The following MARCHF1 variants were observed in gnomAD, a reference collection of about 807,000 sequenced individuals.
MARCHF1 encodes the protein E3 ubiquitin-protein ligase MARCHF1.
In MARCHF1, 40 loss-of-function variants were observed where a neutral mutation model predicts 54.2. That is an observed-to-expected ratio of 0.74 (90% CI 0.57 to 0.96). The LOEUF (loss-of-function observed/expected upper bound fraction) is 0.96, where lower values mean the gene tolerates loss of function less well. MARCHF1 is among the 40% of genes least tolerant of loss of function. MARCHF1 has a pLI of 0.00. For synonymous variants in MARCHF1, 236 were observed against 236.3 expected, an observed-to-expected ratio of 1.00 and a Z score of 0.01; for missense variants, 586 against 656.5, an observed-to-expected ratio of 0.89 and a Z score of 1.17.
chr4:164,120,256 CAA>C (rs1470009138), intron 1 of MARCHF1, among the ~76,000 whole-genome samples: 5 of 152,086 alleles, frequency 3.3e-5, no homozygotes, highest in Admixed American at 2.0e-4. Context: ...TATATAATGA[CAA>C]AGTGTCCAAC....
chr4:163,866,101 C>A (rs767956546), intron 3 of MARCHF1, among the ~76,000 whole-genome samples: 87 of 151,664 alleles, frequency 5.7e-4, no homozygotes, highest in Admixed American at 2.1e-3. Context: ...AATCAATTAA[C>A]AACATCATTT....
intron 4 of MARCHF1, among the ~76,000 whole-genome samples, chr4:163,815,265 A>G (rs1376654378): frequency 6.6e-6 from 1 of 152,204 alleles, no homozygotes; most frequent in Non-Finnish European, 1.5e-5. Flanking sequence ...CATACTATAA[A>G]TGTAGTTTTA....
At chr4:164,199,679 CACAGAGAGAGAGAGAG>C (rs1731394868) in intron 1 of MARCHF1, among the ~76,000 whole-genome samples, 1 of 51,980 alleles carries the variant, frequency 1.9e-5, no homozygotes, top group East Asian at 4.0e-4. Context: ...CACACACACA[CACAGAGAGAGAGAGAG>C]AGAGAGAGAG....
chr4:164,212,474 T>G (rs111732699), intron 1 of MARCHF1, among the ~76,000 whole-genome samples: 2,122 of 152,330 alleles, frequency 0.014, 55 homozygotes, highest in East Asian at 0.12. Context: ...GTTAACAGAC[T>G]TAAAATTTTT....
chr4:163,960,361 T>C (rs908487020), intron 3 of MARCHF1, among the ~76,000 whole-genome samples: 4 of 152,014 alleles, frequency 2.6e-5, no homozygotes, highest in Non-Finnish European at 4.4e-5. Flanking sequence ...AAGACAAATG[T>C]TCATTGCAGC....
chr4:163,632,682 C>T (rs1742146381), intron 5 of MARCHF1, among the ~76,000 whole-genome samples: 1 of 152,236 alleles, frequency 6.6e-6, no homozygotes, highest in African/African-American at 2.4e-5. Flanking sequence ...GGGCGCCCAC[C>T]ATTGCCCAGG....
chr4:164,270,131 T>C (rs1321737483), intron 1 of MARCHF1, among the ~76,000 whole-genome samples: 2 of 152,202 alleles, frequency 1.3e-5, no homozygotes, highest in Non-Finnish European at 2.9e-5. Flanking sequence ...GATCTTCTCA[T>C]CTTCCCTTGG....
intron 8 of MARCHF1, among the ~76,000 whole-genome samples, chr4:163,557,975 T>A (rs1739344928): frequency 6.6e-6 from 1 of 152,190 alleles, no homozygotes; most frequent in Non-Finnish European, 1.5e-5. Context: ...ACATCTCCTT[T>A]CTATTGAAGA....
intron 3 of MARCHF1, among the ~76,000 whole-genome samples, chr4:163,945,082 T>C (rs1485119251): frequency 1.3e-5 from 2 of 152,138 alleles, no homozygotes; most frequent in African/African-American, 4.8e-5. Context: ...AAGAGCTACA[T>C]CTCAGGCATA....
intron 5 of MARCHF1, among the ~76,000 whole-genome samples, chr4:163,626,046 G>T (rs140655873): frequency 4.5e-4 from 69 of 152,314 alleles, no homozygotes; most frequent in African/African-American, 1.4e-3. Flanking sequence ...TGGATGAGCA[G>T]AATAATATGT....
intron 1 of MARCHF1, among the ~76,000 whole-genome samples, chr4:164,224,066 T>A (rs1732184490): frequency 6.6e-6 from 1 of 150,974 alleles, no homozygotes; most frequent in African/African-American, 2.4e-5. Flanking sequence ...CACTATCCTC[T>A]AGTCCAAGCT....
At position 164,201,448 on chromosome 4, in the gene MARCHF1, T is replaced by G. The variant is rs1487576994; in HGVS notation, c.-322-89786A>C. 2.0e-5 allele frequency among the ~76,000 whole-genome samples: 3 copies of G among 152,086 alleles called. No individual in the cohort carries two copies. The East Asian group carries it at 5.8e-4, about 29-fold the overall frequency. On this transcript the variant is annotated intron_variant, in intron 1 of 9. Coordinates refer to ENST00000514618, the MANE Select transcript of MARCHF1 (RefSeq NM_001394959.1). The stretch of plus-strand genomic sequence containing the variant: ...TGTTGGCCATGATGGTCTCCATCTC[T>G]TGACCTCGTGACCCGCCCGCCTGGG...
intron 2 of MARCHF1, among the ~76,000 whole-genome samples, chr4:164,034,853 G>T (rs1437108152): frequency 6.6e-6 from 1 of 152,106 alleles, no homozygotes; most frequent in Non-Finnish European, 1.5e-5. Context: ...GTTACAGAAA[G>T]AATGTTAAAA....
At chr4:163,915,344 A>C in intron 3 of MARCHF1, among the ~76,000 whole-genome samples, 1 of 152,086 alleles carries the variant, frequency 6.6e-6, no homozygotes, top group Non-Finnish European at 1.5e-5. Flanking sequence ...ATTATGAGAA[A>C]AATGTAAAAA....
At chr4:163,847,827 T>C (rs1341634791) in intron 4 of MARCHF1, among the ~76,000 whole-genome samples, 2 of 152,152 alleles carry the variant, frequency 1.3e-5, no homozygotes, top group African/African-American at 2.4e-5. Flanking sequence ...GCGATCCTCC[T>C]GCCTCAGCCT....
chr4:163,908,831 A>T (rs1180103003), intron 3 of MARCHF1, among the ~76,000 whole-genome samples: 1 of 152,172 alleles, frequency 6.6e-6, no homozygotes, highest in Admixed American at 6.6e-5. Flanking sequence ...AAATGTTTGG[A>T]TTCCAACCAG....
chr4:163,840,601 C>G (rs1749309300), intron 4 of MARCHF1, among the ~76,000 whole-genome samples: 1 of 152,026 alleles, frequency 6.6e-6, no homozygotes, highest in Non-Finnish European at 1.5e-5. Flanking sequence ...CATATGGAAT[C>G]TAAAAAGCAG....
intron 1 of MARCHF1, among the ~76,000 whole-genome samples, chr4:164,175,263 C>A (rs1415400412): frequency 1.3e-5 from 2 of 152,128 alleles, no homozygotes; most frequent in Non-Finnish European, 2.9e-5. Flanking sequence ...GAATTATCCA[C>A]AATTGATTTA....
intron 7 of MARCHF1, among the ~76,000 whole-genome samples, chr4:163,606,984 C>A (rs926914818): frequency 2.2e-4 from 33 of 152,032 alleles, no homozygotes; most frequent in Non-Finnish European, 4.6e-4. Context: ...GCTGCTGCTG[C>A]TAAAATGTAA....
Sources: allele counts gnomAD v4.1 joint callset (sites outside exome capture counted in the v4.1 genomes callset), GRCh38; gene constraint gnomAD v4.1.1; transcripts MANE v1.5; gene names NCBI Gene and HGNC (gene_info 2026-07-23, HGNC 2026-07-21).